The following MBD5 variants were observed in gnomAD, a reference collection of about 807,000 sequenced individuals.
MBD5 encodes the protein methyl-CpG binding domain protein 5, also known as methyl-CpG-binding domain protein 5.
In MBD5, 13 loss-of-function variants were observed where a neutral mutation model predicts 117.3. That is an observed-to-expected ratio of 0.11 (90% CI 0.07 to 0.18). The LOEUF (loss-of-function observed/expected upper bound fraction) is 0.18. Ranked by LOEUF, MBD5 falls within the 10% of genes least tolerant of loss-of-function variation. The pLI, the probability that MBD5 is intolerant of heterozygous loss-of-function variation, is 1.00. For missense variants in MBD5, 1,879 were observed against 2,093.8 expected, an observed-to-expected ratio of 0.90 and a Z score of 2.00; for synonymous variants, 727 against 766.4, an observed-to-expected ratio of 0.95 and a Z score of 0.85.
In MBD5 at chr2:148,432,522, C is replaced by A. The variant is rs530379469; in HGVS notation, c.-556-25681C>A. 5.3e-5 allele frequency among the ~76,000 whole-genome samples: 8 copies of A among 152,248 alleles called. No individual in the cohort carries two copies. In the East Asian group the frequency reaches 1.3e-3, roughly 26 times the overall value. ...TTAGGTTTTACATTAAGTCTTTCAT[C>A]CATCTTGAGTTGATTTTTGTGTGTG... On this transcript the variant is annotated intron_variant, in intron 4 of 13. Coordinates refer to ENST00000642680, the MANE Select transcript of MBD5 (RefSeq NM_001378120.1).
At chr2:148,053,901 TC>T (rs1209010897) in intron 1 of MBD5, 1 of 129,644 alleles carries the variant, frequency 7.7e-6, no homozygotes, top group Non-Finnish European at 1.7e-5. Context: ...TATCTTTCTT[TC>T]TTTTTTTCTT....
chr2:148,400,306 G>A (rs78502594), intron 4 of MBD5, among the ~76,000 whole-genome samples: 11 of 151,936 alleles, frequency 7.2e-5, no homozygotes, highest in African/African-American at 2.7e-4. Flanking sequence ...AGCTGGTTCT[G>A]GTTAAAGCAG....
At chr2:148,465,495 T>G (rs1214183591) in intron 7 of MBD5, among the ~76,000 whole-genome samples, 5 of 152,138 alleles carry the variant, frequency 3.3e-5, no homozygotes, top group Admixed American at 3.3e-4. Context: ...ATTGATACTT[T>G]CCCATGGAAC....
chr2:148,312,597 T>C (rs1371480586), intron 3 of MBD5, among the ~76,000 whole-genome samples: 3 of 152,204 alleles, frequency 2.0e-5, no homozygotes, highest in African/African-American at 7.2e-5. Context: ...GGTTAGAACA[T>C]GCTCCTTTAG....
chr2:148,418,138 C>A (rs1024689314), intron 4 of MBD5, among the ~76,000 whole-genome samples: 1 of 152,074 alleles, frequency 6.6e-6, no homozygotes, highest in Non-Finnish European at 1.5e-5. Flanking sequence ...CCACGCCCAG[C>A]CTTATTTATT....
At chr2:148,084,536 T>G (rs956232130) in intron 1 of MBD5, among the ~76,000 whole-genome samples, 1 of 152,244 alleles carries the variant, frequency 6.6e-6, no homozygotes, top group African/African-American at 2.4e-5. Flanking sequence ...CATGGAAATT[T>G]AGGCCAATTG....
At chr2:148,257,936 CT>C (rs1275959578) in intron 3 of MBD5, among the ~76,000 whole-genome samples, 1 of 152,172 alleles carries the variant, frequency 6.6e-6, no homozygotes, top group East Asian at 1.9e-4. Flanking sequence ...GAGGGTGTTA[CT>C]TTTTTCAGTT....
chr2:148,293,915 T>C (rs1405730121), intron 3 of MBD5, among the ~76,000 whole-genome samples: 1 of 152,256 alleles, frequency 6.6e-6, no homozygotes, highest in African/African-American at 2.4e-5. Flanking sequence ...AGACCCACAG[T>C]ACTTTCTCCT....
chr2:148,201,549 A>G (rs1222641425), intron 2 of MBD5, among the ~76,000 whole-genome samples: 1 of 152,014 alleles, frequency 6.6e-6, no homozygotes, highest in African/African-American at 2.4e-5. Flanking sequence ...TTCTTGTCAT[A>G]TGGGATGGCT....
Position 148,469,306 on chromosome 2 carries a change from G to C in MBD5, c.1363G>C (p.Ala455Pro). The C allele has an allele frequency of 6.2e-7, 1 of 1,613,838 alleles. No individual in the cohort carries two copies. Among genetic ancestry groups the C allele is most frequent in the Non-Finnish European group, 8.5e-7 (1 of 1,179,946 alleles). The change falls in exon 8 of 14, where the codon GCA becomes CCA. Residue 455 changes from alanine (A) to proline (P), a missense_variant. Transcript: ENST00000642680. ...GGGGACTGGAATTGGAAGGATTGAG[G>C]CATCGCCCCAAAGATCACGCTCATC... ...MMGTGIGRIE[A>P]SPQRSRSSST...
At chr2:148,387,798 G>T (rs1704422934) in intron 4 of MBD5, among the ~76,000 whole-genome samples, 1 of 152,082 alleles carries the variant, frequency 6.6e-6, no homozygotes. Flanking sequence ...ACACAGAAAT[G>T]AAAATAACAA....
At chr2:148,445,207 T>A (rs1446990174) in intron 4 of MBD5, among the ~76,000 whole-genome samples, 1 of 151,350 alleles carries the variant, frequency 6.6e-6, no homozygotes, top group African/African-American at 2.5e-5. Context: ...TACATATGTA[T>A]ACATGTGCCA....
In MBD5 at chr2:148,483,647, A is replaced by ATT; in HGVS notation, c.3056_3057insTT (p.Gln1019HisfsTer2). ...ACCATCTCAGATCTTTTGCAACAGC[A>ATT]AAATACCCCTTTACCCTCATTAACA... On this transcript the variant is annotated frameshift_variant, in exon 9 of 14. Transcript: ENST00000642680. LOFTEE classifies it high-confidence loss of function. The ATT allele has an allele frequency of 3.9e-6, 6 of 1,551,092 alleles. No homozygotes were observed. The highest frequency in any genetic ancestry group is 5.2e-6 in the Non-Finnish European group (6 of 1,147,126).
intron 8 of MBD5, chr2:148,470,686 A>G: frequency 1.9e-6 from 1 of 531,514 alleles, no homozygotes; most frequent in East Asian, 3.0e-5. Context: ...TTTGTTGTCA[A>G]TCTGTGTCAT....
intron 1 of MBD5, among the ~76,000 whole-genome samples, chr2:148,157,951 G>A (rs1312073848): frequency 1.3e-5 from 2 of 152,100 alleles, no homozygotes; most frequent in African/African-American, 2.4e-5. Context: ...CTAGATAGAG[G>A]TGGTGGTTAC....
chr2:148,087,721 A>T (rs1225561832), intron 1 of MBD5, among the ~76,000 whole-genome samples: 2 of 152,094 alleles, frequency 1.3e-5, no homozygotes, highest in Non-Finnish European at 2.9e-5. Flanking sequence ...CAACAGCAGC[A>T]CTCTAGTTCC....
At chr2:148,157,221 G>A (rs934365532) in intron 1 of MBD5, among the ~76,000 whole-genome samples, 26 of 151,814 alleles carry the variant, frequency 1.7e-4, no homozygotes, top group African/African-American at 6.1e-4. Flanking sequence ...ATGTGCCCTG[G>A]TGGTTTGCTG....
chr2:148,225,187 C>T (rs1699790722), intron 2 of MBD5, among the ~76,000 whole-genome samples: 1 of 151,948 alleles, frequency 6.6e-6, no homozygotes, highest in Non-Finnish European at 1.5e-5. Context: ...TTGGGTCTTG[C>T]CTTTTATGTT....
chr2:148,041,486 G>A (rs1324790647), intron 1 of MBD5: 1 of 152,154 alleles, frequency 6.6e-6, no homozygotes, highest in Non-Finnish European at 1.5e-5. Context: ...GTAGCAGATT[G>A]TATAGACACT....
Sources: allele counts gnomAD v4.1 joint callset (sites outside exome capture counted in the v4.1 genomes callset), GRCh38; gene constraint gnomAD v4.1.1; transcripts MANE v1.5; gene names NCBI Gene and HGNC (gene_info 2026-07-23, HGNC 2026-07-21).